Variants in COG8 observed in about 807,000 individuals in gnomAD.
COG8 encodes conserved oligomeric Golgi complex subunit 8.
COG8 carries 45 observed loss-of-function variants against 46.5 expected under a neutral mutation model. That is an observed-to-expected ratio of 0.97 (90% CI 0.76 to 1.24). The LOEUF is 1.24. COG8 is among the 50% of genes most tolerant of loss of function. COG8 has a pLI of 0.00. For missense variants in COG8, 793 were observed against 820.8 expected (o/e 0.97, Z 0.41); for synonymous variants, 407 against 347.8 (o/e 1.17, Z -1.90).
rs1965621767 is a variant in COG8 at position 69,327,212 on chromosome 16, G to A, written c.*1994C>T. The A allele has an allele frequency of 7.4e-6, 1 of 134,856 alleles. No homozygotes were observed. Among genetic ancestry groups the A allele is most frequent in the Non-Finnish European group, 1.5e-5 (1 of 65,166 alleles). The allele number at this position is 134,856 out of a possible 1,614,324, so 8.4% of individuals were successfully genotyped here. A position where few individuals can be genotyped will look rare whatever the true frequency, so the allele number is the denominator to read the frequency against. The stretch of plus-strand genomic sequence containing the variant: ...AGACAGAGCCTTGGTCTGTCGCCCA[G>A]GCTGGAGTACAGTGGCGAGATCTCA... On this transcript the variant is annotated 3_prime_UTR_variant, in exon 6 of 6. Coordinates refer to ENST00000306875, the MANE Select transcript of COG8 (RefSeq NM_032382.5).
At chr16:69,329,804 C>T (rs1187413779) in intron 5 of COG8, among the ~76,000 whole-genome samples, 2 of 152,264 alleles carry the variant, frequency 1.3e-5, no homozygotes, top group Admixed American at 1.3e-4. Context: ...CCTCTCCTCG[C>T]CCCTGCGTCC....
At position 69,329,993 on chromosome 16, in the gene COG8, G is replaced by A. The variant is rs767502604; in HGVS notation, c.*27-814C>T. ...CCAGCAGCCCCGGTCCCCGCCGCCC[G>A]CACCTGAGATCTGCACCGCCTGGAA... On this transcript the variant is annotated intron_variant, in intron 5 of 5. Transcript: ENST00000306875. 55 of 1,521,674 alleles carry A rather than the reference G, an allele frequency of 3.6e-5. No homozygotes were observed. The East Asian group carries it at 7.0e-4, about 19-fold the overall frequency. 94.3% of individuals were successfully genotyped at this position (1,521,674 alleles called of 1,614,324 possible).
chr16:69,331,537 C>T (rs2011845303), intron 4 of COG8, among the ~76,000 whole-genome samples: 1 of 148,748 alleles, frequency 6.7e-6, no homozygotes, highest in African/African-American at 2.5e-5. Flanking sequence ...CAGTCTCGCT[C>T]TGTCGCCCAG....
At chr16:69,332,346 C>A (rs1386816515) in intron 4 of COG8, among the ~76,000 whole-genome samples, 10 of 149,812 alleles carry the variant, frequency 6.7e-5, no homozygotes, top group African/African-American at 2.5e-4. Flanking sequence ...GAGACTCCGC[C>A]TCAAAAAAAA....
chr16:69,336,418 GAGTTTCT>G, intron 2 of COG8, 80 bp downstream of exon 2: 1 of 1,253,020 alleles, frequency 8.0e-7, no homozygotes. Context: ...AAACATGCAA[GAGTTTCT>G]ACCTAAAGCT....
At chr16:69,329,245 C>A (rs1357031309) in intron 5 of COG8, 66 bp from the exon 6 acceptor site, 7 of 1,449,984 alleles carry the variant, frequency 4.8e-6, no homozygotes, top group Non-Finnish European at 6.3e-6. Flanking sequence ...AACCTCCCTA[C>A]CCCTGCCCCC....
At position 69,328,752 on chromosome 16, in the gene COG8, AC is replaced by A. The variant is rs1361240979; in HGVS notation, c.*453del. On this transcript the variant is annotated 3_prime_UTR_variant, in exon 6 of 6. Coordinates refer to ENST00000306875, the MANE Select transcript of COG8 (RefSeq NM_032382.5). ...GTGTCTACTGCAGACGAATGCAATTACCCCACCTTCCTCCATACAGAATTGT... is the reference window on the plus strand; with the variant it reads ...GTGTCTACTGCAGACGAATGCAATTACCCACCTTCCTCCATACAGAATTGT... 4.6e-6 allele frequency: 2 copies of A among 436,952 alleles called. No homozygotes were observed. Among genetic ancestry groups the A allele is most frequent in the Admixed American group, 4.8e-5 (1 of 21,052 alleles). The allele number at this position is 436,952 out of a possible 1,614,324, so 27.1% of individuals were successfully genotyped here. A position where few individuals can be genotyped will look rare whatever the true frequency, so the allele number is the denominator to read the frequency against.
chr16:69,328,871 A>G lies in COG8; in HGVS notation c.*335T>C. On this transcript the variant is annotated 3_prime_UTR_variant, in exon 6 of 6. Coordinates refer to ENST00000306875, the MANE Select transcript of COG8 (RefSeq NM_032382.5). ...TGATTTCAGGGCAAACATTTCTGACATCTTCCTCCAGCTCAGTCTGCCATG... is the reference window on the plus strand; with the variant it reads ...TGATTTCAGGGCAAACATTTCTGACGTCTTCCTCCAGCTCAGTCTGCCATG... 9.8e-7 allele frequency: 1 copy of G among 1,019,466 alleles called. No individual in the cohort carries two copies. Among genetic ancestry groups the G allele is most frequent in the Non-Finnish European group, 1.4e-6 (1 of 712,410 alleles). 63.2% of individuals were successfully genotyped at this position (1,019,466 alleles called of 1,614,324 possible).
At chr16:69,332,590 G>T in intron 4 of COG8, 124 bp downstream of exon 4, 1 of 970,754 alleles carries the variant, frequency 1.0e-6, no homozygotes, top group Non-Finnish European at 1.6e-6. Flanking sequence ...TTTTTGGAGT[G>T]ATGGAAATAT....
Position 69,328,979 on chromosome 16 carries a change from T to C in COG8, c.*227A>G. 6.3e-7 allele frequency: 1 copy of C among 1,584,526 alleles called. No individual in the cohort carries two copies. Among genetic ancestry groups the C allele is most frequent in the Non-Finnish European group, 8.5e-7 (1 of 1,172,252 alleles). The stretch of plus-strand genomic sequence containing the variant: ...TTTGCCCAGCTCAAAGTGAAAGTGT[T>C]TGCGTCTTGGTATCCGGAATCCTCA... On this transcript the variant is annotated 3_prime_UTR_variant, in exon 6 of 6. Transcript: ENST00000306875.
Position 69,335,131 on chromosome 16 carries a change from T to C in COG8, c.803A>G (p.Tyr268Cys), listed in dbSNP as rs767575523. ...ILTAIPNDDP[Y>C]FHITKTIEAS... ...CTCGATGGTTTTTGTAATATGGAAA[T>C]AGGGATCATCATTAGGAATGGCAGT... Residue 268 changes from tyrosine to cysteine, a missense_variant, in exon 3 of 6, where the codon TAT becomes TGT. By Grantham distance (194) the Tyr-to-Cys change is radical. Transcript: ENST00000306875. 1.6e-5 allele frequency: 26 copies of C among 1,613,940 alleles called. No homozygotes were observed. The highest frequency in any genetic ancestry group is 2.1e-5 in the Non-Finnish European group (25 of 1,180,022).
chr16:69,330,175 A>C, intron 5 of COG8: 1 of 1,515,544 alleles, frequency 6.6e-7, no homozygotes, highest in Non-Finnish European at 8.8e-7. Flanking sequence ...GGCACTCCCG[A>C]CACAGCGCCT....
intron 5 of COG8, chr16:69,329,937 G>A (rs1409869036): frequency 8.9e-6 from 13 of 1,458,134 alleles, no homozygotes; most frequent in African/African-American, 1.5e-5. Context: ...GCGCTCTCGC[G>A]GAGTCGGGCA....
chr16:69,334,414 T>A, intron 3 of COG8, 107 bp downstream of exon 3: 1 of 1,017,692 alleles, frequency 9.8e-7, no homozygotes. Context: ...ACACTAGACC[T>A]CTCCATGTCA....
At chr16:69,330,055 G>C (rs1422140195) in intron 5 of COG8, 2 of 1,553,816 alleles carry the variant, frequency 1.3e-6, no homozygotes, top group East Asian at 5.0e-5. Context: ...CGACGCTCTC[G>C]CAGCCCTCGG....
rs756617741 is a variant in COG8, at chr16:69,330,322, C to A, written c.*26+491G>T. The A allele has an allele frequency of 3.0e-5, 43 of 1,445,894 alleles. No individual in the cohort carries two copies. In the East Asian group the frequency reaches 6.7e-4, roughly 22 times the overall value. 89.6% of individuals were successfully genotyped at this position (1,445,894 alleles called of 1,614,324 possible). A position where few individuals can be genotyped will look rare whatever the true frequency, so the allele number is the denominator to read the frequency against. On this transcript the variant is annotated intron_variant, in intron 5 of 5. Coordinates refer to ENST00000306875, the MANE Select transcript of COG8 (RefSeq NM_032382.5). ...GCTCGGGCCCGCCTAGCTGCGCCCG[C>A]TCCACCGGGGCCGCCACGCCGCGCA...
In COG8 at chr16:69,335,071, T is replaced by C. The variant is rs1567431891; in HGVS notation, c.863A>G (p.Gln288Arg). Residue 288 changes from glutamine (Q) to arginine (R), a missense_variant, in exon 3 of 6, where the codon CAG becomes CGG. Transcript: ENST00000306875. ...CTCGTCTGAGAAGATGGCACGGTACTGGGTGATGATATCAAAGAGATGGAC... is the reference window on the plus strand; with the variant it reads ...CTCGTCTGAGAAGATGGCACGGTACCGGGTGATGATATCAAAGAGATGGAC... ...SRVHLFDIIT[Q>R]YRAIFSDEDP... is the part of the protein sequence containing the mutation. 6.2e-7 allele frequency: 1 copy of C among 1,613,816 alleles called. No homozygotes were observed. Among genetic ancestry groups the C allele is most frequent in the African/African-American group, 1.3e-5 (1 of 75,030 alleles).
Position 69,327,876 on chromosome 16 carries a change from C to G in COG8, c.*1330G>C, listed in dbSNP as rs965510042. The G allele has an allele frequency of 6.8e-6, 1 of 146,572 alleles. No individual in the cohort carries two copies. The highest frequency in any genetic ancestry group is 2.6e-5 in the African/African-American group (1 of 38,192). The allele number at this position is 146,572 out of a possible 1,614,324, so 9.1% of individuals were successfully genotyped here. ...TTAAAAAAAAAATAAAAGAATAAAA[C>G]AAGTTCCTTCACCTCTTGACAAGAC... On this transcript the variant is annotated 3_prime_UTR_variant, in exon 6 of 6. Transcript: ENST00000306875.
intron 1 of COG8, among the ~76,000 whole-genome samples, chr16:69,338,039 C>CT (rs905742089): frequency 3.3e-5 from 5 of 151,356 alleles, no homozygotes; most frequent in African/African-American, 9.7e-5. Flanking sequence ...GCCTTTTTTT[C>CT]TTTTTTTAAG....
Sources: allele counts gnomAD v4.1 joint callset (sites outside exome capture counted in the v4.1 genomes callset), GRCh38; gene constraint gnomAD v4.1.1; transcripts MANE v1.5; gene names NCBI Gene and HGNC (gene_info 2026-07-23, HGNC 2026-07-21).